Variants in RNLS observed in about 807,000 individuals in gnomAD.
RNLS encodes the protein renalase.
In RNLS, 39 loss-of-function variants were observed where a neutral mutation model predicts 39.8. The ratio of observed to expected loss-of-function variants is 0.98; its 90% CI spans 0.76 to 1.28. The LOEUF (loss-of-function observed/expected upper bound fraction) is 1.28, where lower values mean the gene tolerates loss of function less well. Among genes scored for constraint, RNLS ranks in the 50% most tolerant of loss-of-function variants. RNLS has a pLI of 0.00. For synonymous variants in RNLS, 147 were observed against 150.7 expected (o/e 0.98, Z 0.18); for missense variants, 410 against 413.3 (o/e 0.99, Z 0.07).
the RNLS span, among the ~76,000 whole-genome samples, chr10:88,192,509 C>T: frequency 3.3e-4 from 50 of 152,326 alleles, no homozygotes; most frequent in Admixed American, 8.5e-4. Context: ...CCATCCCATG[C>T]GGGGGAATTT....
At chr10:88,496,511 T>C (rs988848372) in intron 4 of RNLS, among the ~76,000 whole-genome samples, 4 of 152,052 alleles carry the variant, frequency 2.6e-5, no homozygotes, top group Admixed American at 2.6e-4. Context: ...TGAACCAGAA[T>C]TGGAGAAAGG....
intron 4 of RNLS, among the ~76,000 whole-genome samples, chr10:88,447,661 T>C (rs1842121746): frequency 1.3e-5 from 2 of 152,252 alleles, no homozygotes; most frequent in South Asian, 4.1e-4. Flanking sequence ...AAAACTACTT[T>C]AGAGTTCATA....
At chr10:88,533,531 G>C (rs1263217491) in intron 4 of RNLS, among the ~76,000 whole-genome samples, 1 of 152,120 alleles carries the variant, frequency 6.6e-6, no homozygotes, top group Non-Finnish European at 1.5e-5. Context: ...ATAAGCACTG[G>C]GGAACCCCTC....
rs200509953 is a variant in RNLS, at chr10:88,288,956, TCAGCCA to T, written c.877-3456_877-3451del. Among the ~76,000 whole-genome samples the T allele has an allele frequency of 7.9e-4, 121 of 152,316 alleles. 3 individuals carry two copies. In the East Asian group the frequency reaches 0.023, roughly 29 times the overall value. On this transcript the variant is annotated intron_variant, in intron 6 of 6. Coordinates refer to ENST00000331772, the MANE Select transcript of RNLS (RefSeq NM_001031709.3). ...AATAATGCAGCCTTTGGCTATGCTT[TCAGCCA>T]CAGTGAGGAACCACAGCTCAATGAC...
At chr10:88,426,979 A>G (rs780944277) in intron 4 of RNLS, among the ~76,000 whole-genome samples, 7 of 152,038 alleles carry the variant, frequency 4.6e-5, no homozygotes, top group Non-Finnish European at 8.8e-5. Context: ...GAATTACATA[A>G]ACAGGAAATG....
intron 4 of RNLS, among the ~76,000 whole-genome samples, chr10:88,565,213 G>T (rs181606359): frequency 2.0e-5 from 3 of 151,972 alleles, no homozygotes; most frequent in Admixed American, 1.3e-4. Context: ...CTATGTTTCT[G>T]TCATTTTCAC....
At chr10:88,245,477 C>T in the RNLS span, among the ~76,000 whole-genome samples, 1 of 152,066 alleles carries the variant, frequency 6.6e-6, no homozygotes, top group Non-Finnish European at 1.5e-5. Flanking sequence ...TGATGGCAGC[C>T]GCAGAAACGT....
chr10:88,479,772 T>A (rs1219693280), intron 4 of RNLS, among the ~76,000 whole-genome samples: 1 of 149,360 alleles, frequency 6.7e-6, no homozygotes, highest in Non-Finnish European at 1.5e-5. Flanking sequence ...CATTCTTCTC[T>A]GGACTTTCTT....
chr10:88,384,249 AT>A (rs1851727608), intron 4 of RNLS, among the ~76,000 whole-genome samples: 1 of 152,188 alleles, frequency 6.6e-6, no homozygotes, highest in South Asian at 2.1e-4. Context: ...TCTCAAAATA[AT>A]TGTATAAGTT....
intron 4 of RNLS, among the ~76,000 whole-genome samples, chr10:88,514,474 T>C (rs192938908): frequency 2.3e-4 from 35 of 152,198 alleles, no homozygotes; most frequent in Non-Finnish European, 2.9e-5. Context: ...CAATACAATA[T>C]TGTTAACTAG....
At chr10:88,495,100 C>T (rs182862175) in intron 4 of RNLS, among the ~76,000 whole-genome samples, 2 of 152,210 alleles carry the variant, frequency 1.3e-5, no homozygotes, top group East Asian at 3.9e-4. Flanking sequence ...CTAGTGATGA[C>T]AGCAAATCCT....
intron 4 of RNLS, among the ~76,000 whole-genome samples, chr10:88,479,284 T>TA (rs1844012199): frequency 6.6e-6 from 1 of 152,178 alleles, no homozygotes; most frequent in Admixed American, 6.6e-5. Flanking sequence ...GAAGCATCGT[T>TA]ACATAGAATT....
chr10:88,524,315 G>T (rs1319941720), intron 4 of RNLS, among the ~76,000 whole-genome samples: 1 of 151,934 alleles, frequency 6.6e-6, no homozygotes. Context: ...CATTTATTTG[G>T]AGCCCAATTC....
chr10:88,569,884 A>G (rs1849725793), intron 4 of RNLS, among the ~76,000 whole-genome samples: 1 of 152,156 alleles, frequency 6.6e-6, no homozygotes, highest in African/African-American at 2.4e-5. Context: ...GTATTCTAGC[A>G]CCTTGACAAA....
rs1453970746 is a variant in RNLS at position 88,314,493 on chromosome 10, G to A, written c.849C>T (p.Thr283=). Residue 283 remains threonine (T), a synonymous_variant, in exon 6 of 7, where the codon ACC becomes ACT. Transcript: ENST00000331772. ...ILPGLPQPIA[T]KCQKWRHSQV... is the part of the protein sequence containing the mutation. ...GTGAATGTCTCCATTTTTGGCATTT[G>A]GTAGCAATTGGCTGAGGCAAACCCG... The A allele has an allele frequency of 7.4e-6, 12 of 1,613,218 alleles. No individual in the cohort carries two copies. The highest frequency in any genetic ancestry group is 1.0e-5 in the Non-Finnish European group (12 of 1,179,648).
chr10:88,425,424 C>G (rs1427210866), intron 4 of RNLS, among the ~76,000 whole-genome samples: 1 of 152,054 alleles, frequency 6.6e-6, no homozygotes, highest in Non-Finnish European at 1.5e-5. Context: ...AAAGTTGAAA[C>G]TGCTGGCAAC....
intron 4 of RNLS, among the ~76,000 whole-genome samples, chr10:88,375,381 A>T (rs1850901289): frequency 6.6e-6 from 1 of 152,200 alleles, no homozygotes; most frequent in Non-Finnish European, 1.5e-5. Flanking sequence ...AAAAGACTCC[A>T]TCTCCTTCTT....
In RNLS at chr10:88,334,543, T is replaced by C. The variant is rs376258227; in HGVS notation, c.701-19902A>G. Among the ~76,000 whole-genome samples the C allele has an allele frequency of 2.0e-5, 3 of 152,224 alleles. No homozygotes were observed. The East Asian group carries it at 5.8e-4, about 29-fold the overall frequency. ...GATTAGAGTTACTGAGGTTTTATTG[T>C]ACCTCACTTCATCAATGGGAAATGC... is the stretch of plus-strand genomic sequence containing the variant. On this transcript the variant is annotated intron_variant, in intron 5 of 6. Coordinates refer to ENST00000331772, the MANE Select transcript of RNLS (RefSeq NM_001031709.3).
Position 88,507,981 on chromosome 10 carries a change from ATAGT to A in RNLS, c.526+64918_526+64921del, listed in dbSNP as rs371312769. 2.6e-3 allele frequency among the ~76,000 whole-genome samples: 390 copies of A among 152,296 alleles called. 2 individuals carry two copies. The highest frequency in any genetic ancestry group is 8.9e-3 in the African/African-American group (372 of 41,578). On this transcript the variant is annotated intron_variant, in intron 4 of 6. Coordinates refer to ENST00000331772, the MANE Select transcript of RNLS (RefSeq NM_001031709.3). ...AATAGTGAGAGGAGTTAATTAGTTA[ATAGT>A]TAGCAGTTGCAGCTGCAAAATGAAT...
Sources: allele counts gnomAD v4.1 joint callset (sites outside exome capture counted in the v4.1 genomes callset), GRCh38; gene constraint gnomAD v4.1.1; transcripts MANE v1.5; gene names NCBI Gene and HGNC (gene_info 2026-07-23, HGNC 2026-07-21).